LRRC28: variants seen among roughly 807,000 people sequenced by gnomAD.
LRRC28 encodes leucine-rich repeat-containing protein 28.
In LRRC28, 39 loss-of-function variants were observed where a neutral mutation model predicts 45.7. That is an observed-to-expected ratio of 0.85 (90% confidence interval 0.66 to 1.12). LRRC28 has a LOEUF of 1.12. Among genes scored for constraint, LRRC28 ranks in the 50% most tolerant of loss-of-function variants. LRRC28 has a pLI of 0.00. For missense variants in LRRC28, 435 were observed against 438.5 expected, an observed-to-expected ratio of 0.99 and a Z score of 0.07; for synonymous variants, 206 against 178.8, an observed-to-expected ratio of 1.15 and a Z score of -1.22.
At chr15:99,368,924 A>T (rs952524723) in intron 9 of LRRC28, among the ~76,000 whole-genome samples, 3 of 152,220 alleles carry the variant, frequency 2.0e-5, no homozygotes, top group African/African-American at 7.2e-5. Context: ...AGCAAGAAGA[A>T]ACCAAGCTGT....
At chr15:99,259,788 G>T in intron 2 of LRRC28, 1 of 1,092,656 alleles carries the variant, frequency 9.2e-7, no homozygotes, top group Non-Finnish European at 1.4e-6. Context: ...ATGCAGCAGT[G>T]ATTCGGTCAG....
At chr15:99,259,334 G>C (rs1202463814) in intron 2 of LRRC28, 4 of 1,434,732 alleles carry the variant, frequency 2.8e-6, no homozygotes, top group Non-Finnish European at 3.9e-6. Context: ...ACCTGTGGTT[G>C]AATACTGCAT....
intron 3 of LRRC28, among the ~76,000 whole-genome samples, chr15:99,276,982 T>G (rs1416189643): frequency 1.3e-5 from 2 of 152,178 alleles, no homozygotes; most frequent in Non-Finnish European, 2.9e-5. Flanking sequence ...ATAAAATGTT[T>G]AAAATGTACA....
At chr15:99,323,957 C>T (rs767352153) in intron 5 of LRRC28, among the ~76,000 whole-genome samples, 1 of 152,142 alleles carries the variant, frequency 6.6e-6, no homozygotes, top group Non-Finnish European at 1.5e-5. Flanking sequence ...GTGTATTCCA[C>T]AGCTCAAGAG....
chr15:99,296,814 A>G (rs993316663), intron 5 of LRRC28, among the ~76,000 whole-genome samples: 5 of 152,164 alleles, frequency 3.3e-5, no homozygotes, highest in Non-Finnish European at 7.4e-5. Context: ...TTTATTGTCT[A>G]ATATTTAAAC....
rs1002149425 is a variant in LRRC28 at position 99,386,156 on chromosome 15, C to T, written c.*54C>T. ...CCAGCTTGACACTGGGGAATCCAGC[C>T]AGTCCAGCACACTCTTCCATCCTGT... On this transcript the variant is annotated 3_prime_UTR_variant, in exon 10 of 10. Coordinates refer to ENST00000301981, the MANE Select transcript of LRRC28 (RefSeq NM_144598.5). The T allele has an allele frequency of 1.0e-5, 14 of 1,340,842 alleles. No homozygotes were observed. The African/African-American group carries it at 1.4e-4, about 14-fold the overall frequency. 83.1% of individuals were successfully genotyped at this position (1,340,842 alleles called of 1,614,324 possible). A position where few individuals can be genotyped will look rare whatever the true frequency, so the allele number is the denominator to read the frequency against.
intron 8 of LRRC28, 29 bp downstream of exon 8, chr15:99,361,540 T>C: frequency 6.4e-7 from 1 of 1,552,638 alleles, no homozygotes; most frequent in South Asian, 1.2e-5. Context: ...TTTCTTATTT[T>C]TCTCTCTCAT....
At chr15:99,342,122 A>T (rs1956535081) in intron 6 of LRRC28, among the ~76,000 whole-genome samples, 1 of 152,210 alleles carries the variant, frequency 6.6e-6, no homozygotes, top group African/African-American at 2.4e-5. Flanking sequence ...TAAATCTGTA[A>T]ATTAGAACTA....
intron 5 of LRRC28, among the ~76,000 whole-genome samples, chr15:99,301,584 A>G (rs189303771): frequency 8.5e-5 from 13 of 152,318 alleles, no homozygotes; most frequent in South Asian, 4.1e-4. Context: ...TTCTTATCCA[A>G]TGTGGTAGGT....
chr15:99,285,870 A>G, intron 3 of LRRC28: 1 of 333,846 alleles, frequency 3.0e-6, no homozygotes, highest in Non-Finnish European at 5.8e-6. Flanking sequence ...TTTAAAGAGT[A>G]TTGATTTCAT....
At chr15:99,342,001 C>G (rs970318195) in intron 6 of LRRC28, among the ~76,000 whole-genome samples, 52 of 152,300 alleles carry the variant, frequency 3.4e-4, no homozygotes, top group African/African-American at 1.2e-3. Context: ...AGACATTTTG[C>G]TCTTCATACA....
chr15:99,361,427 A>G lies in LRRC28; in HGVS notation c.787A>G (p.Ile263Val), dbSNP rs150973003. ...TTTCCTCCCAGCTGAGGTGAAGGCC[A>G]TAGGGACGGAGCATGATCACGTCCT... ...TVFLPAEVKA[I>V]GTEHDHVLPL... The change falls in exon 8 of 10, where the codon ATA (isoleucine) becomes GTA (valine). Residue 263 changes from isoleucine (I) to valine (V), a missense_variant. Physicochemically the swap from Ile to Val is conservative, Grantham distance 29 (BLOSUM62 3). Coordinates refer to ENST00000301981, the MANE Select transcript of LRRC28 (RefSeq NM_144598.5). The G allele has an allele frequency of 6.1e-5, 98 of 1,614,026 alleles. No individual in the cohort carries two copies. In the African/African-American group the frequency reaches 1.1e-3, roughly 19 times the overall value.
intron 2 of LRRC28, chr15:99,259,058 G>T: frequency 2.2e-6 from 2 of 930,050 alleles, no homozygotes; most frequent in South Asian, 1.3e-5. Context: ...GAAATACAAT[G>T]ATACTTTTTG....
At chr15:99,317,701 G>A (rs1955646233) in intron 5 of LRRC28, among the ~76,000 whole-genome samples, 1 of 151,876 alleles carries the variant, frequency 6.6e-6, no homozygotes, top group African/African-American at 2.4e-5. Flanking sequence ...AAATATTATA[G>A]GAGAGTAGAA....
At chr15:99,285,164 A>ACC in intron 3 of LRRC28, 1 of 724,206 alleles carries the variant, frequency 1.4e-6, no homozygotes, top group Non-Finnish European at 2.6e-6. Context: ...TCACTGCCTC[A>ACC]GTCAGTCATG....
intron 5 of LRRC28, among the ~76,000 whole-genome samples, chr15:99,318,954 G>A (rs1324370541): frequency 6.6e-6 from 1 of 151,998 alleles, no homozygotes; most frequent in East Asian, 1.9e-4. Context: ...AATCAGTTTG[G>A]TAATCTGAAA....
At chr15:99,339,606 T>C (rs938111934) in intron 6 of LRRC28, among the ~76,000 whole-genome samples, 1 of 151,876 alleles carries the variant, frequency 6.6e-6, no homozygotes, top group Admixed American at 6.6e-5. Context: ...TGGCAGACAC[T>C]TGCAATCCCA....
At chr15:99,256,307 A>G (rs1420478139) in intron 2 of LRRC28, 182 bp downstream of exon 2, 1 of 466,986 alleles carries the variant, frequency 2.1e-6, no homozygotes, top group South Asian at 5.7e-5. Context: ...AAGTTCGTGC[A>G]GTTATGAGGT....
At chr15:99,310,615 C>T (rs1955369804) in intron 5 of LRRC28, among the ~76,000 whole-genome samples, 1 of 152,086 alleles carries the variant, frequency 6.6e-6, no homozygotes, top group South Asian at 2.1e-4. Flanking sequence ...TTTTTGATGA[C>T]ACAAAGAAGG....
Sources: allele counts gnomAD v4.1 joint callset (sites outside exome capture counted in the v4.1 genomes callset), GRCh38; gene constraint gnomAD v4.1.1; transcripts MANE v1.5; gene names NCBI Gene and HGNC (gene_info 2026-07-23, HGNC 2026-07-21).